The following GRM7 variants were observed in gnomAD, a reference collection of about 807,000 sequenced individuals.
The protein encoded by GRM7 is glutamate metabotropic receptor 7.
Under a neutral mutation model 84.5 loss-of-function variants are expected in GRM7, and 35 were observed. The observed-to-expected ratio is 0.41, with a 90% CI of 0.32 to 0.55. GRM7 has a LOEUF of 0.55. Ranked by LOEUF, GRM7 falls within the 20% of genes least tolerant of loss-of-function variation. The pLI, the probability that GRM7 is intolerant of heterozygous loss-of-function variation, is 0.19. For synonymous variants in GRM7, 487 were observed against 455.1 expected, an observed-to-expected ratio of 1.07 and a Z score of -0.89; for missense variants, 1,003 against 1,194.6, an observed-to-expected ratio of 0.84 and a Z score of 2.36.
chr3:6,902,688 C>A (rs545564777), intron 1 of GRM7, among the ~76,000 whole-genome samples: 1 of 152,138 alleles, frequency 6.6e-6, no homozygotes, highest in East Asian at 1.9e-4. Context: ...AATTGTCTAG[C>A]CAGATCTGCA....
chr3:7,351,339 GAAAAAAA>G (rs768248079), intron 4 of GRM7, among the ~76,000 whole-genome samples: 2 of 45,896 alleles, frequency 4.4e-5, no homozygotes, highest in Admixed American at 3.0e-4. Flanking sequence ...TCCCACAGGC[GAAAAAAA>G]AAAAAAAAAA....
intron 6 of GRM7, among the ~76,000 whole-genome samples, chr3:7,458,793 C>A (rs570367678): frequency 2.0e-5 from 3 of 151,982 alleles, no homozygotes; most frequent in African/African-American, 7.3e-5. Flanking sequence ...TGAATAGAAG[C>A]TATAGAATTA....
chr3:7,476,700 T>C (rs1470874896), intron 7 of GRM7, among the ~76,000 whole-genome samples: 1 of 152,202 alleles, frequency 6.6e-6, no homozygotes. Context: ...ACACCAGTTT[T>C]CCCTCCTTCC....
At chr3:7,263,903 A>G (rs1471746040) in intron 2 of GRM7, among the ~76,000 whole-genome samples, 3 of 152,244 alleles carry the variant, frequency 2.0e-5, no homozygotes, top group African/African-American at 7.2e-5. Context: ...GTCTGCCTGC[A>G]TACACACGTG....
At chr3:6,908,841 A>G (rs1285847306) in intron 1 of GRM7, among the ~76,000 whole-genome samples, 3 of 152,124 alleles carry the variant, frequency 2.0e-5, no homozygotes, top group South Asian at 2.1e-4. Flanking sequence ...GAGATTAAAG[A>G]TATGTCTTGT....
intron 4 of GRM7, among the ~76,000 whole-genome samples, chr3:7,321,829 A>C (rs2125054094): frequency 6.6e-6 from 1 of 152,258 alleles, no homozygotes; most frequent in South Asian, 2.1e-4. Flanking sequence ...TTTAAGTACC[A>C]TGGAATTCTA....
chr3:7,445,829 TA>T (rs981785359), intron 5 of GRM7, among the ~76,000 whole-genome samples: 1 of 152,156 alleles, frequency 6.6e-6, no homozygotes, highest in African/African-American at 2.4e-5. Context: ...TGTTTATCTT[TA>T]AATATTACAA....
At chr3:7,219,725 G>GTA (rs1015985941) in intron 2 of GRM7, among the ~76,000 whole-genome samples, 1 of 152,184 alleles carries the variant, frequency 6.6e-6, no homozygotes, top group African/African-American at 2.4e-5. Context: ...CCTAAAGCAG[G>GTA]TATACATCAG....
chr3:7,600,937 G>A (rs1696280560), intron 8 of GRM7, among the ~76,000 whole-genome samples: 1 of 152,104 alleles, frequency 6.6e-6, no homozygotes, highest in Non-Finnish European at 1.5e-5. Context: ...ATGTCTACCA[G>A]TGCAACTTTA....
intron 1 of GRM7, among the ~76,000 whole-genome samples, chr3:6,944,290 A>G (rs1358640675): frequency 6.6e-6 from 1 of 152,110 alleles, no homozygotes; most frequent in African/African-American, 2.4e-5. Context: ...TTTCATTACT[A>G]AGTATGTTGT....
intron 1 of GRM7, among the ~76,000 whole-genome samples, chr3:7,010,157 G>A (rs1695321785): frequency 6.6e-6 from 1 of 152,138 alleles, no homozygotes; most frequent in Admixed American, 6.5e-5. Flanking sequence ...TCTGGGCCGG[G>A]CCAGTAGCTC....
chr3:7,269,769 A>G (rs2124975159), intron 2 of GRM7, among the ~76,000 whole-genome samples: 1 of 152,142 alleles, frequency 6.6e-6, no homozygotes, highest in East Asian at 1.9e-4. Flanking sequence ...GGCAACTGTC[A>G]TTTTGAAGGC....
At chr3:7,451,628 A>AC (rs1478045307) in intron 5 of GRM7, among the ~76,000 whole-genome samples, 1 of 152,116 alleles carries the variant, frequency 6.6e-6, no homozygotes, top group Admixed American at 6.6e-5. Flanking sequence ...TCATTGCTCT[A>AC]CCTGTAAATG....
At chr3:6,927,475 A>AAGAAAGAT (rs1697344736) in intron 1 of GRM7, among the ~76,000 whole-genome samples, 1 of 61,086 alleles carries the variant, frequency 1.6e-5, no homozygotes, top group Non-Finnish European at 4.2e-5. Context: ...GAAAGAAAGA[A>AAGAAAGAT]AGAAAGAAAG....
rs1559469598 is a variant in GRM7, at chr3:7,146,598, T to C, written c.666T>C (p.Ser222=). The change falls in exon 2 of 10, where the codon TCT becomes TCC. Residue 222 remains serine (S), a synonymous_variant. Transcript: ENST00000357716. ...AGGCCCTAGGCTGGAATTATGTGTC[T>C]ACCCTCGCATCGGAAGGAAGTTATG... ...IVKALGWNYV[S]TLASEGSYGE... 4 of 1,613,924 alleles carry C rather than the reference T, an allele frequency of 2.5e-6. No homozygotes were observed. The highest frequency in any genetic ancestry group is 1.7e-5 in the Admixed American group (1 of 59,970).
intron 1 of GRM7, among the ~76,000 whole-genome samples, chr3:6,884,016 A>G (rs193041708): frequency 7.2e-5 from 11 of 152,326 alleles, no homozygotes; most frequent in African/African-American, 2.6e-4. Context: ...TATAAGTTAT[A>G]TTGATGACAG....
chr3:7,584,228 TG>T (rs1336074999), intron 8 of GRM7, among the ~76,000 whole-genome samples: 1 of 152,236 alleles, frequency 6.6e-6, no homozygotes, highest in African/African-American at 2.4e-5. Context: ...TCAGAATTAA[TG>T]AAACCTCATT....
At chr3:7,524,253 A>C (rs1700707763) in intron 7 of GRM7, among the ~76,000 whole-genome samples, 2 of 150,548 alleles carry the variant, frequency 1.3e-5, no homozygotes, top group South Asian at 4.2e-4. Flanking sequence ...CAAAAGCCAA[A>C]ATTGACAAAT....
intron 1 of GRM7, among the ~76,000 whole-genome samples, chr3:6,892,251 G>A (rs1037598545): frequency 1.3e-5 from 2 of 152,114 alleles, no homozygotes; most frequent in African/African-American, 4.8e-5. Flanking sequence ...ATATGAGGAA[G>A]CAAGGACCTC....
Sources: gnomAD v4.1 joint callset for allele counts (sites outside exome capture counted in the v4.1 genomes callset) on GRCh38, gnomAD v4.1.1 for gene constraint, MANE v1.5 for transcripts, NCBI Gene and HGNC (gene_info 2026-07-23, HGNC 2026-07-21) for gene names.